Variants in UNC5C observed in about 807,000 individuals in gnomAD.
The protein encoded by UNC5C is netrin receptor UNC5C.
UNC5C carries 47 observed loss-of-function variants against 99.8 expected under a neutral mutation model. The ratio of observed to expected loss-of-function variants is 0.47; its 90% CI spans 0.37 to 0.60. The LOEUF (loss-of-function observed/expected upper bound fraction) is 0.60, where lower values mean the gene tolerates loss of function less well. Ranked by LOEUF, UNC5C falls within the 20% of genes least tolerant of loss-of-function variation. The pLI, the probability that UNC5C is intolerant of heterozygous loss-of-function variation, is 0.00. For missense variants in UNC5C, 1,062 were observed against 1,165.9 expected (o/e 0.91, Z 1.30); for synonymous variants, 487 against 452.2 (o/e 1.08, Z -0.98).
At chr4:95,514,347 G>A (rs1722157109) in intron 1 of UNC5C, among the ~76,000 whole-genome samples, 1 of 152,090 alleles carries the variant, frequency 6.6e-6, no homozygotes, top group South Asian at 2.1e-4. Flanking sequence ...TATAAAGTAA[G>A]TTCAGATATT....
At chr4:95,232,157 A>G (rs903226137) in intron 7 of UNC5C, among the ~76,000 whole-genome samples, 2 of 151,882 alleles carry the variant, frequency 1.3e-5, no homozygotes, top group African/African-American at 4.8e-5. Context: ...AAACTCATAG[A>G]TCAGCTACTC....
intron 1 of UNC5C, among the ~76,000 whole-genome samples, chr4:95,347,463 A>G (rs1332251471): frequency 1.3e-5 from 2 of 152,098 alleles, no homozygotes; most frequent in African/African-American, 4.8e-5. Flanking sequence ...TCTCTTGAGC[A>G]AAAAGAACAA....
intron 14 of UNC5C, among the ~76,000 whole-genome samples, chr4:95,179,761 A>AG (rs988695384): frequency 4.0e-5 from 6 of 151,338 alleles, no homozygotes; most frequent in East Asian, 1.9e-4. Context: ...AAAAAAAAAA[A>AG]AAAAGAAAAA....
At chr4:95,283,802 A>G (rs1741142447) in intron 3 of UNC5C, among the ~76,000 whole-genome samples, 1 of 152,244 alleles carries the variant, frequency 6.6e-6, no homozygotes, top group South Asian at 2.1e-4. Flanking sequence ...GACTGCTACT[A>G]AAATTAAGTA....
In UNC5C at chr4:95,211,182, A is replaced by T. The variant is rs535424992; in HGVS notation, c.1734-4386T>A. ...CCTTCTAGTAGTGGACATGTCTTTTATCTGGTCCCTCAGGATGATAATCCC... is the reference window on the plus strand; with the variant it reads ...CCTTCTAGTAGTGGACATGTCTTTTTTCTGGTCCCTCAGGATGATAATCCC... On this transcript the variant is annotated intron_variant, in intron 10 of 15. Coordinates refer to ENST00000453304, the MANE Select transcript of UNC5C (RefSeq NM_003728.4). Among the ~76,000 whole-genome samples, 4 of 152,264 alleles carry T rather than the reference A, an allele frequency of 2.6e-5. No individual in the cohort carries two copies. In the South Asian group the frequency reaches 6.2e-4, roughly 24 times the overall value.
chr4:95,289,637 A>G (rs576063083), intron 3 of UNC5C, among the ~76,000 whole-genome samples: 1 of 152,346 alleles, frequency 6.6e-6, no homozygotes, highest in South Asian at 2.1e-4. Context: ...CACTCAAAGT[A>G]ATAATACTGT....
At chr4:95,486,959 T>C (rs1474025779) in intron 1 of UNC5C, among the ~76,000 whole-genome samples, 1 of 151,664 alleles carries the variant, frequency 6.6e-6, no homozygotes, top group Non-Finnish European at 1.5e-5. Flanking sequence ...TCAAGGCCAA[T>C]TATAAAAGGG....
At position 95,341,507 on chromosome 4, in the gene UNC5C, G is replaced by GAAAGAA. The variant is rs1553964896; in HGVS notation, c.125-5877_125-5876insTTCTTT. 3.0e-3 allele frequency among the ~76,000 whole-genome samples: 435 copies of GAAAGAA among 144,910 alleles called. 1 individual carries two copies. The highest frequency in any genetic ancestry group is 8.7e-3 in the African/African-American group (334 of 38,432). On this transcript the variant is annotated intron_variant, in intron 1 of 15. Coordinates refer to ENST00000453304, the MANE Select transcript of UNC5C (RefSeq NM_003728.4). ...GAGAAAGAAAGAAAGAAGAAAGAGA[G>GAAAGAA]AGAAAGAAAGAAAGAAAGAAAAAAA...
At chr4:95,488,916 C>G (rs535316005) in intron 1 of UNC5C, among the ~76,000 whole-genome samples, 5 of 151,652 alleles carry the variant, frequency 3.3e-5, no homozygotes, top group African/African-American at 1.2e-4. Flanking sequence ...AACATAAGAT[C>G]AGTTCAAAAA....
At chr4:95,325,519 C>T (rs1371175193) in intron 2 of UNC5C, among the ~76,000 whole-genome samples, 1 of 151,894 alleles carries the variant, frequency 6.6e-6, no homozygotes, top group Non-Finnish European at 1.5e-5. Flanking sequence ...ATTTTTGGTG[C>T]CTGGATGGAG....
intron 4 of UNC5C, among the ~76,000 whole-genome samples, chr4:95,277,597 G>A (rs1258656278): frequency 2.0e-5 from 3 of 152,204 alleles, no homozygotes; most frequent in African/African-American, 7.2e-5. Flanking sequence ...CCCAAAGAGA[G>A]ATATTTTCAA....
At chr4:95,369,789 A>G (rs759577673) in intron 1 of UNC5C, among the ~76,000 whole-genome samples, 2 of 152,210 alleles carry the variant, frequency 1.3e-5, no homozygotes, top group Non-Finnish European at 2.9e-5. Context: ...AGTTTCGACT[A>G]CAGCGGTAGG....
intron 2 of UNC5C, 46 bp from the exon 3 acceptor site, chr4:95,301,795 T>C (rs1741892822): frequency 1.3e-6 from 2 of 1,583,490 alleles, no homozygotes; most frequent in Non-Finnish European, 1.7e-6. Flanking sequence ...AGATTCATAC[T>C]AAAGAAATAT....
intron 1 of UNC5C, among the ~76,000 whole-genome samples, chr4:95,439,153 T>TA (rs1352925105): frequency 6.6e-6 from 1 of 152,162 alleles, no homozygotes; most frequent in African/African-American, 2.4e-5. Flanking sequence ...TTATTTTTCT[T>TA]TTACAGGCCC....
intron 1 of UNC5C, among the ~76,000 whole-genome samples, chr4:95,381,062 A>T (rs1745054362): frequency 6.6e-6 from 1 of 152,220 alleles, no homozygotes; most frequent in East Asian, 1.9e-4. Context: ...TCTTAATTCA[A>T]ATACCTGAGA....
chr4:95,475,275 A>G (rs1169976584), intron 1 of UNC5C, among the ~76,000 whole-genome samples: 2 of 152,046 alleles, frequency 1.3e-5, no homozygotes, highest in Non-Finnish European at 2.9e-5. Context: ...ATTGAAGGGA[A>G]CATGTGAGAA....
intron 1 of UNC5C, among the ~76,000 whole-genome samples, chr4:95,390,328 A>G (rs1289858402): frequency 6.6e-6 from 1 of 152,024 alleles, no homozygotes; most frequent in East Asian, 1.9e-4. Flanking sequence ...CAGAAGTTCT[A>G]AACAGAGGAG....
intron 2 of UNC5C, among the ~76,000 whole-genome samples, chr4:95,328,635 C>T (rs535812280): frequency 2.8e-5 from 4 of 143,592 alleles, no homozygotes; most frequent in Admixed American, 7.3e-5. Context: ...CCTGAGGAAT[C>T]GCCACACTGA....
At chr4:95,259,311 G>A (rs1740132322) in intron 4 of UNC5C, among the ~76,000 whole-genome samples, 1 of 152,096 alleles carries the variant, frequency 6.6e-6, no homozygotes, top group Non-Finnish European at 1.5e-5. Context: ...ATACAGTTAA[G>A]TATTTGAAAA....
Sources: allele counts gnomAD v4.1 joint callset (sites outside exome capture counted in the v4.1 genomes callset), GRCh38; gene constraint gnomAD v4.1.1; transcripts MANE v1.5; gene names NCBI Gene and HGNC (gene_info 2026-07-23, HGNC 2026-07-21).